FMN1: variants seen among roughly 807,000 people sequenced by gnomAD.
FMN1 encodes the protein formin 1.
In FMN1, 110 loss-of-function variants were observed where a neutral mutation model predicts 132.4. The ratio of observed to expected loss-of-function variants is 0.83; its 90% CI spans 0.71 to 0.97. The LOEUF is 0.97. Ranked by LOEUF, FMN1 falls within the 50% of genes least tolerant of loss-of-function variation. FMN1 has a pLI of 0.00. For missense variants in FMN1, 1,792 were observed against 1,705.3 expected, an observed-to-expected ratio of 1.05 and a Z score of -0.90; for synonymous variants, 722 against 651.7, an observed-to-expected ratio of 1.11 and a Z score of -1.64.
chr15:32,883,383 A>C (rs922775258), intron 16 of FMN1, among the ~76,000 whole-genome samples: 2 of 151,810 alleles, frequency 1.3e-5, no homozygotes, highest in African/African-American at 4.8e-5. Context: ...GGTGGTATAC[A>C]TCTGTAGTCC....
At position 33,084,008 on chromosome 15, in the gene FMN1, G is replaced by A. The variant is rs576583187; in HGVS notation, c.2043+4791C>T. On this transcript the variant is annotated intron_variant, in intron 5 of 20. Coordinates refer to ENST00000616417, the MANE Select transcript of FMN1 (RefSeq NM_001277313.2). ...GTCATGTTGGGAAGTTTGCTTATAT[G>A]GTCTAAAAAGGGGAGGGACCCTCAA... Among the ~76,000 whole-genome samples, 7 of 152,200 alleles carry A rather than the reference G, an allele frequency of 4.6e-5. No individual in the cohort carries two copies. The East Asian group carries it at 1.4e-3, about 30-fold the overall frequency.
intron 6 of FMN1, among the ~76,000 whole-genome samples, chr15:33,053,643 T>G (rs908429674): frequency 1.3e-5 from 2 of 152,136 alleles, no homozygotes; most frequent in Admixed American, 6.5e-5. Context: ...CATCTCAAGT[T>G]TGATAATTTC....
At chr15:33,095,044 T>C (rs1566910186) in intron 4 of FMN1, among the ~76,000 whole-genome samples, 1 of 152,118 alleles carries the variant, frequency 6.6e-6, no homozygotes, top group Non-Finnish European at 1.5e-5. Flanking sequence ...AAAATTTTAG[T>C]ATGTTTGGTT....
At position 32,773,156 on chromosome 15, in the gene FMN1, G is replaced by C. The variant is rs1379057952; in HGVS notation, c.*1154C>G. 6.6e-6 allele frequency: 1 copy of C among 152,194 alleles called. No individual in the cohort carries two copies. The highest frequency in any genetic ancestry group is 1.5e-5 in the Non-Finnish European group (1 of 68,036). The allele number at this position is 152,194 out of a possible 1,614,324, so 9.4% of individuals were successfully genotyped here. On this transcript the variant is annotated 3_prime_UTR_variant, in exon 21 of 21. Coordinates refer to ENST00000616417, the MANE Select transcript of FMN1 (RefSeq NM_001277313.2). Reference sequence around the variant, plus strand: ...GTGACTCAAGAGCCAGGGTCAGAAAGAGCTGCCTGTGAACAATATTCCACT... The same window carrying C: ...GTGACTCAAGAGCCAGGGTCAGAAACAGCTGCCTGTGAACAATATTCCACT...
chr15:33,040,614 A>G (rs1010276809), intron 6 of FMN1, among the ~76,000 whole-genome samples: 5 of 152,236 alleles, frequency 3.3e-5, no homozygotes, highest in South Asian at 2.1e-4. Context: ...ATGATCTGGG[A>G]GCAATGGTGA....
At chr15:32,874,016 TG>T (rs1421700390) in intron 16 of FMN1, among the ~76,000 whole-genome samples, 18 of 140,212 alleles carry the variant, frequency 1.3e-4, no homozygotes, top group African/African-American at 2.0e-4. Context: ...TTATTTTAGT[TG>T]TTTTTTTTTT....
intron 16 of FMN1, among the ~76,000 whole-genome samples, chr15:32,886,159 T>C (rs2059891264): frequency 6.6e-6 from 1 of 152,178 alleles, no homozygotes; most frequent in Non-Finnish European, 1.5e-5. Flanking sequence ...ACGGTGTGTA[T>C]TTTCTTTAAA....
chr15:32,834,475 C>CA (rs1227883757), intron 17 of FMN1, among the ~76,000 whole-genome samples: 1 of 152,142 alleles, frequency 6.6e-6, no homozygotes, highest in Admixed American at 6.5e-5. Context: ...AGGAAAAAAT[C>CA]AGACAGATAA....
intron 10 of FMN1, among the ~76,000 whole-genome samples, chr15:32,924,098 T>C (rs2060899716): frequency 6.6e-6 from 1 of 152,242 alleles, no homozygotes; most frequent in South Asian, 2.1e-4. Context: ...TAACATCACA[T>C]TCTTCTGATG....
intron 17 of FMN1, among the ~76,000 whole-genome samples, chr15:32,850,931 T>C (rs2058993893): frequency 6.6e-6 from 1 of 152,054 alleles, no homozygotes; most frequent in Non-Finnish European, 1.5e-5. Flanking sequence ...TGGTGGCAGG[T>C]GCCTGTAGTC....
At chr15:32,947,519 T>C (rs1381423624) in intron 9 of FMN1, among the ~76,000 whole-genome samples, 1 of 152,068 alleles carries the variant, frequency 6.6e-6, no homozygotes, top group African/African-American at 2.4e-5. Flanking sequence ...TGTTCTTGCA[T>C]GCAAATTTTT....
chr15:32,811,489 A>C (rs1169838366), intron 17 of FMN1, among the ~76,000 whole-genome samples: 2 of 152,104 alleles, frequency 1.3e-5, no homozygotes, highest in East Asian at 3.9e-4. Context: ...TACCAAGTAA[A>C]GGACATTGTG....
intron 17 of FMN1, chr15:32,811,226 G>C: frequency 2.6e-6 from 1 of 379,688 alleles, no homozygotes; most frequent in Non-Finnish European, 5.2e-6. Context: ...CGATATCCTT[G>C]CTGGTCTTCC....
intron 4 of FMN1, among the ~76,000 whole-genome samples, chr15:33,128,041 CA>C (rs1323855306): frequency 1.3e-5 from 2 of 151,930 alleles, no homozygotes; most frequent in Non-Finnish European, 2.9e-5. Context: ...CCAGACACGA[CA>C]CAGGTCAGGT....
At chr15:32,911,262 G>A (rs759946859) in intron 10 of FMN1, among the ~76,000 whole-genome samples, 1 of 152,130 alleles carries the variant, frequency 6.6e-6, no homozygotes, top group Non-Finnish European at 1.5e-5. Context: ...ATCCTTAATG[G>A]ATTTGGCTAT....
chr15:32,789,019 A>G (rs1012172969), intron 19 of FMN1, among the ~76,000 whole-genome samples: 1 of 152,236 alleles, frequency 6.6e-6, no homozygotes, highest in Admixed American at 6.5e-5. Flanking sequence ...CAAATAAACA[A>G]GATTTTTCAT....
intron 12 of FMN1, among the ~76,000 whole-genome samples, chr15:32,905,494 G>C (rs2060401861): frequency 6.6e-6 from 1 of 152,094 alleles, no homozygotes; most frequent in Admixed American, 6.5e-5. Flanking sequence ...AAACCCAGTA[G>C]AGCCTCACCT....
chr15:32,819,765 C>T (rs1433679664), intron 17 of FMN1, among the ~76,000 whole-genome samples: 5 of 152,230 alleles, frequency 3.3e-5, no homozygotes, highest in Admixed American at 2.6e-4. Context: ...AAAAAAACCA[C>T]TTCTCATTTT....
At chr15:32,891,136 T>G (rs1217848017) in intron 15 of FMN1, among the ~76,000 whole-genome samples, 1 of 152,264 alleles carries the variant, frequency 6.6e-6, no homozygotes, top group Non-Finnish European at 1.5e-5. Context: ...TTTTGGTGAC[T>G]GACTATGGCC....
Sources: gnomAD v4.1 joint callset for allele counts (sites outside exome capture counted in the v4.1 genomes callset) on GRCh38, gnomAD v4.1.1 for gene constraint, MANE v1.5 for transcripts, NCBI Gene and HGNC (gene_info 2026-07-23, HGNC 2026-07-21) for gene names.